Variants in NDST4 observed in about 807,000 individuals in gnomAD.
The protein encoded by NDST4 is N-heparan sulfate sulfotransferase 4.
In NDST4, 63 loss-of-function variants were observed where a neutral mutation model predicts 100.8. That is an observed-to-expected ratio of 0.62 (90% confidence interval 0.51 to 0.77). The LOEUF is 0.77. Among genes scored for constraint, NDST4 ranks in the 30% least tolerant of loss-of-function variants. NDST4 has a pLI of 0.00. For synonymous variants in NDST4, 377 were observed against 361.8 expected (o/e 1.04, Z -0.48); for missense variants, 943 against 1,018.4 (o/e 0.93, Z 1.01).
At chr4:115,102,239 G>C (rs944082417) in intron 1 of NDST4, among the ~76,000 whole-genome samples, 1 of 152,070 alleles carries the variant, frequency 6.6e-6, no homozygotes, top group African/African-American at 2.4e-5. Context: ...AGTTATCCAT[G>C]AAACATAAAA....
intron 7 of NDST4, among the ~76,000 whole-genome samples, chr4:114,868,600 T>C (rs1724082747): frequency 1.3e-5 from 2 of 152,038 alleles, no homozygotes; most frequent in Non-Finnish European, 2.9e-5. Context: ...ATTCCTTGTT[T>C]TTCTTCTTAA....
chr4:115,065,463 C>A (rs1399067450), intron 2 of NDST4, among the ~76,000 whole-genome samples: 5 of 152,090 alleles, frequency 3.3e-5, no homozygotes, highest in African/African-American at 1.2e-4. Context: ...ATATATTAGA[C>A]AACTATCTTA....
At chr4:114,851,303 T>C (rs942697753) in intron 8 of NDST4, among the ~76,000 whole-genome samples, 1 of 152,310 alleles carries the variant, frequency 6.6e-6, no homozygotes, top group East Asian at 1.9e-4. Context: ...TAAGAATTAC[T>C]ACAACCGTTT....
At chr4:115,092,079 AC>A (rs1301627431) in intron 1 of NDST4, among the ~76,000 whole-genome samples, 1 of 152,204 alleles carries the variant, frequency 6.6e-6, no homozygotes, top group Admixed American at 6.5e-5. Context: ...AAACACACAC[AC>A]AAATATCAGA....
At chr4:115,004,923 G>A (rs1373887629) in intron 2 of NDST4, among the ~76,000 whole-genome samples, 1 of 152,048 alleles carries the variant, frequency 6.6e-6, no homozygotes, top group African/African-American at 2.4e-5. Flanking sequence ...TGTATTTACA[G>A]GATTGACTAT....
intron 7 of NDST4, among the ~76,000 whole-genome samples, chr4:114,867,665 C>CATAAAAAAAAAAAAAAAAAAAAAAAA (rs1724061376): frequency 1.3e-5 from 1 of 79,900 alleles, no homozygotes. Context: ...AAAAAAAAAG[C>CATAAAAAAAAAAAAAAAAAAAAAAAA]AAAAAAAAAA....
At chr4:115,039,788 GCA>G (rs1349620515) in intron 2 of NDST4, among the ~76,000 whole-genome samples, 2 of 152,002 alleles carry the variant, frequency 1.3e-5, no homozygotes, top group East Asian at 1.9e-4. Flanking sequence ...AATAATACAT[GCA>G]CACACACATA....
At chr4:115,025,710 T>C (rs1289466658) in intron 2 of NDST4, among the ~76,000 whole-genome samples, 1 of 152,130 alleles carries the variant, frequency 6.6e-6, no homozygotes, top group Non-Finnish European at 1.5e-5. Context: ...CTAAATGGAA[T>C]AGAAGTTAAT....
chr4:114,988,314 C>T (rs1163728993), intron 2 of NDST4, among the ~76,000 whole-genome samples: 4 of 138,150 alleles, frequency 2.9e-5, no homozygotes, highest in African/African-American at 1.1e-4. Flanking sequence ...TCATATGATA[C>T]GTGGTTGAGT....
At chr4:114,843,478 G>C in intron 10 of NDST4, among the ~76,000 whole-genome samples, 1 of 152,140 alleles carries the variant, frequency 6.6e-6, no homozygotes, top group East Asian at 1.9e-4. Flanking sequence ...CCAGTGTCCT[G>C]TTTTACCCCT....
intron 6 of NDST4, among the ~76,000 whole-genome samples, chr4:114,927,075 C>G (rs1725400245): frequency 1.3e-5 from 2 of 151,946 alleles, no homozygotes; most frequent in Admixed American, 6.6e-5. Context: ...AATATATCTA[C>G]CATTAGATAT....
intron 6 of NDST4, among the ~76,000 whole-genome samples, chr4:114,901,769 T>C (rs1330248913): frequency 6.6e-6 from 1 of 151,818 alleles, no homozygotes; most frequent in Non-Finnish European, 1.5e-5. Flanking sequence ...TATCATTGTA[T>C]TTTCTCTCTT....
intron 12 of NDST4, among the ~76,000 whole-genome samples, chr4:114,831,246 G>A (rs1484460841): frequency 6.6e-6 from 1 of 150,602 alleles, no homozygotes; most frequent in Non-Finnish European, 1.5e-5. Context: ...TAGAGACGGG[G>A]TTTCACCTTG....
At chr4:115,006,158 A>G (rs1727412908) in intron 2 of NDST4, among the ~76,000 whole-genome samples, 1 of 152,100 alleles carries the variant, frequency 6.6e-6, no homozygotes, top group Admixed American at 6.6e-5. Flanking sequence ...AAGCCTGGAA[A>G]GACAACACAA....
chr4:114,860,170 C>A (rs907062746), intron 7 of NDST4, among the ~76,000 whole-genome samples: 1 of 152,140 alleles, frequency 6.6e-6, no homozygotes, highest in Non-Finnish European at 1.5e-5. Context: ...TAATTAGAAG[C>A]CAGTAAACAA....
intron 6 of NDST4, among the ~76,000 whole-genome samples, chr4:114,889,033 C>T (rs1342628127): frequency 6.6e-6 from 1 of 152,060 alleles, no homozygotes; most frequent in Non-Finnish European, 1.5e-5. Flanking sequence ...CAGTTCCTCA[C>T]ACATATATGT....
At chr4:114,884,815 G>T (rs1346520970) in intron 6 of NDST4, among the ~76,000 whole-genome samples, 1 of 152,072 alleles carries the variant, frequency 6.6e-6, no homozygotes, top group East Asian at 1.9e-4. Flanking sequence ...GAAATATCGT[G>T]ATTGACACTA....
intron 2 of NDST4, among the ~76,000 whole-genome samples, chr4:115,002,699 A>G (rs1330732371): frequency 6.6e-6 from 1 of 152,118 alleles, no homozygotes; most frequent in Admixed American, 6.6e-5. Context: ...AAACAGAAAT[A>G]CCATTTGACC....
intron 6 of NDST4, among the ~76,000 whole-genome samples, chr4:114,924,432 T>C (rs1362198558): frequency 1.7e-5 from 2 of 116,880 alleles, no homozygotes; most frequent in Non-Finnish European, 3.7e-5. Flanking sequence ...TCTTTAAGGA[T>C]AGAAAAAAAA....
Sources: gnomAD v4.1 joint callset for allele counts (sites outside exome capture counted in the v4.1 genomes callset) on GRCh38, gnomAD v4.1.1 for gene constraint, MANE v1.5 for transcripts, NCBI Gene and HGNC (gene_info 2026-07-23, HGNC 2026-07-21) for gene names.